Variants in MYBL1 observed in about 807,000 individuals in gnomAD.
MYBL1 encodes the protein myb-related protein A.
In MYBL1, 17 loss-of-function variants were observed where a neutral mutation model predicts 96.3. The observed-to-expected ratio is 0.18, with a 90% confidence interval of 0.12 to 0.26. The LOEUF (loss-of-function observed/expected upper bound fraction) is 0.26. Among genes scored for constraint, MYBL1 ranks in the 10% least tolerant of loss-of-function variants. The pLI, the probability that MYBL1 is intolerant of heterozygous loss-of-function variation, is 1.00. For synonymous variants in MYBL1, 282 were observed against 292.7 expected, an observed-to-expected ratio of 0.96 and a Z score of 0.37; for missense variants, 701 against 882.9, an observed-to-expected ratio of 0.79 and a Z score of 2.61.
intron 6 of MYBL1, 71 bp from the exon 7 acceptor site, chr8:66,593,265 A>G (rs1198881281): frequency 9.6e-7 from 1 of 1,040,694 alleles, no homozygotes; most frequent in Non-Finnish European, 1.4e-6. Flanking sequence ...AGCAAATGAC[A>G]AAAACTTTTG....
In MYBL1 at chr8:66,580,326, A is replaced by C. The variant is rs748313592; in HGVS notation, c.908T>G (p.Met303Arg). Reference protein sequence around the residue: ...SFSSWSGSFLMDDNMSNTLNS... With the variant: ...SFSSWSGSFLRDDNMSNTLNS... The stretch of plus-strand genomic sequence containing the variant: ...TAGAGTATTAGACATGTTATCATCC[A>C]TGAGGAAACTACCAGACCAGCTAGA... The change falls in exon 9 of 16, where the codon ATG becomes AGG. Residue 303 changes from methionine (M) to arginine (R), a missense_variant. Physicochemically the swap from Met to Arg is moderately conservative, Grantham distance 91 (BLOSUM62 -1). Coordinates refer to ENST00000522677, the MANE Select transcript of MYBL1 (RefSeq NM_001080416.4). 5 of 1,612,586 alleles carry C rather than the reference A, an allele frequency of 3.1e-6. No individual in the cohort carries two copies. Among genetic ancestry groups the C allele is most frequent in the Non-Finnish European group, 4.2e-6 (5 of 1,178,860 alleles).
chr8:66,594,003 G>C (rs1355784259), intron 6 of MYBL1, among the ~76,000 whole-genome samples: 1 of 151,904 alleles, frequency 6.6e-6, no homozygotes, highest in African/African-American at 2.4e-5. Context: ...AGGTGTAGTG[G>C]AGCACGCCTG....
chr8:66,585,179 A>T (rs1055993486), intron 8 of MYBL1, among the ~76,000 whole-genome samples: 3 of 152,214 alleles, frequency 2.0e-5, no homozygotes, highest in Non-Finnish European at 4.4e-5. Context: ...TAACCAAAAC[A>T]GCATGGTACT....
At chr8:66,592,627 T>C (rs1460342667) in intron 7 of MYBL1, 83 bp from the exon 8 acceptor site, 4 of 779,418 alleles carry the variant, frequency 5.1e-6, no homozygotes, top group Non-Finnish European at 6.0e-6. Flanking sequence ...TTTTCTTCTA[T>C]GCAACATGAA....
intron 12 of MYBL1, 45 bp downstream of exon 12, chr8:66,572,437 T>C (rs1323763242): frequency 3.2e-6 from 3 of 941,716 alleles, no homozygotes; most frequent in Non-Finnish European, 3.1e-6. Context: ...ATTTGTGTTT[T>C]ATTAAAATTA....
At chr8:66,569,903 C>A (rs71515027) in intron 12 of MYBL1, among the ~76,000 whole-genome samples, 1,611 of 152,196 alleles carry the variant, frequency 0.011, 16 homozygotes, top group Middle Eastern at 0.031. Context: ...TTAAAAGAAT[C>A]GGTTTATTAA....
chr8:66,586,868 A>G (rs1809440778), intron 8 of MYBL1, among the ~76,000 whole-genome samples: 1 of 152,274 alleles, frequency 6.6e-6, no homozygotes, highest in Non-Finnish European at 1.5e-5. Flanking sequence ...TAAAAATAAC[A>G]TGAAATTCTA....
intron 2 of MYBL1, among the ~76,000 whole-genome samples, 189 bp from the exon 3 acceptor site, chr8:66,601,958 T>C (rs1810089595): frequency 6.6e-6 from 1 of 152,252 alleles, no homozygotes; most frequent in Admixed American, 6.5e-5. Context: ...CAGTTATTCA[T>C]GTCTCTGGTT....
intron 12 of MYBL1, among the ~76,000 whole-genome samples, chr8:66,570,041 A>G (rs1209700083): frequency 6.6e-6 from 1 of 152,236 alleles, no homozygotes; most frequent in African/African-American, 2.4e-5. Context: ...CTCAGTAAAT[A>G]ACTGGAGGAG....
At chr8:66,587,068 G>C (rs1809449274) in intron 8 of MYBL1, among the ~76,000 whole-genome samples, 1 of 152,156 alleles carries the variant, frequency 6.6e-6, no homozygotes, top group African/African-American at 2.4e-5. Context: ...GCGGAGAAGG[G>C]AGAGTAGCCA....
intron 8 of MYBL1, among the ~76,000 whole-genome samples, chr8:66,588,749 C>T (rs940802763): frequency 1.3e-5 from 2 of 152,028 alleles, no homozygotes; most frequent in Admixed American, 6.6e-5. Context: ...AGGGAGGGCA[C>T]GGTGGCTCAT....
chr8:66,567,138 T>A (rs1343571782), intron 12 of MYBL1, 146 bp from the exon 13 acceptor site: 2 of 579,270 alleles, frequency 3.5e-6, no homozygotes, highest in Non-Finnish European at 6.0e-6. Context: ...AATTAATTCA[T>A]GTTGTGGCAA....
chr8:66,603,978 CAAG>C (rs1220100567), intron 1 of MYBL1, among the ~76,000 whole-genome samples: 5 of 147,896 alleles, frequency 3.4e-5, no homozygotes, highest in South Asian at 4.3e-4. Flanking sequence ...AAAAAAAAAT[CAAG>C]AAGAATGGCA....
chr8:66,594,249 A>G (rs1342137693), intron 6 of MYBL1, among the ~76,000 whole-genome samples: 3 of 152,150 alleles, frequency 2.0e-5, no homozygotes, highest in Non-Finnish European at 2.9e-5. Context: ...ATAACTTCTA[A>G]CATAGAGCTT....
chr8:66,576,424 A>T (rs1382389285), intron 9 of MYBL1, 49 bp from the exon 10 acceptor site: 1 of 1,530,388 alleles, frequency 6.5e-7, no homozygotes, highest in East Asian at 2.3e-5. Context: ...ACCTAGTTAA[A>T]TCTGCTCTTG....
intron 7 of MYBL1, 47 bp from the exon 8 acceptor site, chr8:66,592,591 C>T: frequency 9.1e-7 from 1 of 1,096,188 alleles, no homozygotes; most frequent in Non-Finnish European, 1.3e-6. Flanking sequence ...TATATAATTG[C>T]TTTATTATTA....
intron 12 of MYBL1, among the ~76,000 whole-genome samples, chr8:66,569,019 C>A (rs1808624936): frequency 6.6e-6 from 1 of 151,940 alleles, no homozygotes; most frequent in African/African-American, 2.4e-5. Flanking sequence ...GGTGAAACTC[C>A]ATCTCAAAAA....
chr8:66,581,585 G>A (rs1309422496), intron 8 of MYBL1, among the ~76,000 whole-genome samples: 11 of 151,892 alleles, frequency 7.2e-5, no homozygotes, highest in Admixed American at 7.2e-4. Flanking sequence ...CTGAGGTGAG[G>A]GCATCACTTG....
chr8:66,591,224 T>C (rs558079587), intron 8 of MYBL1, among the ~76,000 whole-genome samples: 22 of 152,020 alleles, frequency 1.4e-4, no homozygotes, highest in African/African-American at 4.8e-4. Context: ...GGCAGGCGCC[T>C]GCAGTCCCAG....
Sources: allele counts gnomAD v4.1 joint callset (sites outside exome capture counted in the v4.1 genomes callset), GRCh38; gene constraint gnomAD v4.1.1; transcripts MANE v1.5; gene names NCBI Gene and HGNC (gene_info 2026-07-23, HGNC 2026-07-21).